Variants in PBRM1 observed in about 807,000 individuals in gnomAD.
PBRM1 encodes protein polybromo-1.
A neutral mutation model predicts 194.5 loss-of-function variants in PBRM1; 27 were observed. That is an observed-to-expected ratio of 0.14 (90% CI 0.10 to 0.19). The LOEUF is 0.19. Ranked by LOEUF, PBRM1 falls within the 10% of genes least tolerant of loss-of-function variation. The probability of loss-of-function intolerance (pLI) is 1.00; values close to 1 mark genes in which losing one functional copy is unlikely to be tolerated. For missense variants in PBRM1, 1,466 were observed against 2,077.2 expected (o/e 0.71, Z 5.72); for synonymous variants, 655 against 693.2 (o/e 0.94, Z 0.87).
At chr3:52,685,210 G>C (rs1052289201) in intron 1 of PBRM1, among the ~76,000 whole-genome samples, 2 of 152,088 alleles carry the variant, frequency 1.3e-5, no homozygotes, top group Admixed American at 1.3e-4. Context: ...TAACAAAACT[G>C]TGCTTCCCCA....
chr3:52,639,246 G>T (rs915151905), intron 10 of PBRM1, among the ~76,000 whole-genome samples: 2 of 152,106 alleles, frequency 1.3e-5, no homozygotes, highest in African/African-American at 4.8e-5. Flanking sequence ...AAAGTGCCGG[G>T]ATTACAGGCG....
chr3:52,665,207 T>G (rs2096806591), intron 3 of PBRM1, among the ~76,000 whole-genome samples: 1 of 152,220 alleles, frequency 6.6e-6, no homozygotes, highest in Admixed American at 6.5e-5. Flanking sequence ...CAGGCTGAAG[T>G]GCAGTGGCAT....
Position 52,675,866 on chromosome 3 carries a change from AG to A in PBRM1, c.236+2633del, listed in dbSNP as rs2097089454. ...CGCGGTGGCTCACGCCTGTAATCCC[AG>A]CACTTTGGGAGGCCGAGGCGGGCGG... is the stretch of plus-strand genomic sequence containing the variant. On this transcript the variant is annotated intron_variant, in intron 2 of 29. Coordinates refer to ENST00000296302, the Ensembl canonical transcript of PBRM1. Among the ~76,000 whole-genome samples, 3 of 117,010 alleles carry A rather than the reference AG, an allele frequency of 2.6e-5. 1 individual carries two copies. Among genetic ancestry groups the A allele is most frequent in the Admixed American group, 1.9e-4 (2 of 10,578 alleles). The allele number at this position is 117,010 out of a possible 152,430, so 76.8% of individuals were successfully genotyped here.
chr3:52,639,776 G>A (rs539677241), intron 10 of PBRM1, among the ~76,000 whole-genome samples: 1 of 148,024 alleles, frequency 6.8e-6, no homozygotes, highest in Non-Finnish European at 1.5e-5. Flanking sequence ...TTTCTATGTC[G>A]AGCAGGCTGG....
intron 10 of PBRM1, 45 bp from the exon 12 acceptor site, chr3:52,634,860 A>T: frequency 7.7e-7 from 1 of 1,301,646 alleles, no homozygotes; most frequent in Non-Finnish European, 1.1e-6. Context: ...AATGAGATGA[A>T]GAAAGAACCA....
At chr3:52,613,447 C>T (rs1397120689) in intron 15 of PBRM1, among the ~76,000 whole-genome samples, 1 of 151,644 alleles carries the variant, frequency 6.6e-6, no homozygotes, top group African/African-American at 2.4e-5. Context: ...GCAATCCTTC[C>T]ACCTCAGCCT....
In PBRM1 at chr3:52,610,825, G is replaced by A. The variant is rs577635310; in HGVS notation, c.1925-870C>T. Among the ~76,000 whole-genome samples, 464 of 152,244 alleles carry A rather than the reference G, an allele frequency of 3.0e-3. 2 individuals carry two copies. Among genetic ancestry groups the A allele is most frequent in the Middle Eastern group, 6.8e-3 (2 of 294 alleles). On this transcript the variant is annotated intron_variant, in intron 15 of 29. Transcript: ENST00000296302. ...TGTGGTGGTGGCGCCTGTAATCCCAGTTACTCGGGAGGCTGAGGCAGGATA... is the reference window on the plus strand; with the variant it reads ...TGTGGTGGTGGCGCCTGTAATCCCAATTACTCGGGAGGCTGAGGCAGGATA...
intron 11 of PBRM1, among the ~76,000 whole-genome samples, chr3:52,630,809 T>C: frequency 6.6e-6 from 1 of 152,228 alleles, no homozygotes; most frequent in East Asian, 1.9e-4. Flanking sequence ...GCAAAGTTTA[T>C]ATTAGAAAAT....
At chr3:52,641,913 C>G in intron 10 of PBRM1, 41 bp downstream of exon 11, 1 of 1,114,338 alleles carries the variant, frequency 9.0e-7, no homozygotes, top group Non-Finnish European at 1.4e-6. Flanking sequence ...CTAGAAGGAT[C>G]CACTAAGAAG....
intron 11 of PBRM1, among the ~76,000 whole-genome samples, chr3:52,629,898 A>G (rs1330522282): frequency 6.6e-6 from 1 of 152,246 alleles, no homozygotes; most frequent in Admixed American, 6.5e-5. Flanking sequence ...ATCTGCATGT[A>G]AAGTTTTATT....
At chr3:52,637,704 G>T (rs1427245604) in intron 10 of PBRM1, among the ~76,000 whole-genome samples, 1 of 146,856 alleles carries the variant, frequency 6.8e-6, no homozygotes, top group East Asian at 2.0e-4. Flanking sequence ...GAGGCGGGCG[G>T]ATCATTTGAG....
chr3:52,667,170 A>C (rs904700662), intron 3 of PBRM1, among the ~76,000 whole-genome samples: 2 of 152,202 alleles, frequency 1.3e-5, no homozygotes, highest in African/African-American at 4.8e-5. Flanking sequence ...TAGCTGCATT[A>C]AAGGCTTATA....
chr3:52,549,333 T>C (rs1480232075), intron 29 of PBRM1, among the ~76,000 whole-genome samples: 1 of 152,088 alleles, frequency 6.6e-6, no homozygotes, highest in Non-Finnish European at 1.5e-5. Flanking sequence ...ATCTGGCTAA[T>C]TTTTAATTTT....
upstream of PBRM1, chr3:52,679,801 C>T: frequency 1.8e-6 from 2 of 1,142,436 alleles, no homozygotes; most frequent in Non-Finnish European, 1.2e-6. Flanking sequence ...ACACCTGCTA[C>T]CAAACTCCTG....
intron 25 of PBRM1, among the ~76,000 whole-genome samples, chr3:52,559,844 A>G (rs561169039): frequency 9.8e-4 from 126 of 128,548 alleles, no homozygotes; most frequent in African/African-American, 3.0e-3. Context: ...TTGAGCTAGC[A>G]GTAAAAAAAA....
At chr3:52,662,011 C>T in intron 4 of PBRM1, 122 bp downstream of exon 5, 1 of 948,698 alleles carries the variant, frequency 1.1e-6, no homozygotes, top group Non-Finnish European at 1.6e-6. Context: ...TTTATCCTCC[C>T]AGTTACCAAT....
intron 11 of PBRM1, among the ~76,000 whole-genome samples, chr3:52,632,287 G>T (rs977973008): frequency 6.6e-6 from 1 of 152,108 alleles, no homozygotes; most frequent in Admixed American, 6.6e-5. Flanking sequence ...AGCTTTCACA[G>T]AAGAGATTTT....
At chr3:52,674,442 G>A (rs1236584737) in intron 2 of PBRM1, among the ~76,000 whole-genome samples, 7 of 138,734 alleles carry the variant, frequency 5.0e-5, no homozygotes, top group African/African-American at 1.6e-4. Context: ...AATCGAGATC[G>A]CACCACTGCA....
intron 22 of PBRM1, among the ~76,000 whole-genome samples, chr3:52,566,320 C>T (rs754578888): frequency 2.0e-5 from 3 of 152,042 alleles, no homozygotes; most frequent in Non-Finnish European, 2.9e-5. Flanking sequence ...TACCATATGA[C>T]CTCGCAATTC....
Sources: allele counts gnomAD v4.1 joint callset (sites outside exome capture counted in the v4.1 genomes callset), GRCh38; gene constraint gnomAD v4.1.1; transcripts MANE v1.5; gene names NCBI Gene and HGNC (gene_info 2026-07-23, HGNC 2026-07-21).